UTP20: variants seen among roughly 807,000 people sequenced by gnomAD.
UTP20 encodes UTP20 small subunit processome component.
In UTP20, 164 loss-of-function variants were observed where a neutral mutation model predicts 329.5. The observed-to-expected ratio is 0.50, with a 90% CI of 0.44 to 0.57. UTP20 has a LOEUF of 0.57. Among genes scored for constraint, UTP20 ranks in the 20% least tolerant of loss-of-function variants. The pLI, the probability that UTP20 is intolerant of heterozygous loss-of-function variation, is 0.00. For missense variants in UTP20, 3,055 were observed against 3,284.2 expected (o/e 0.93, Z 1.71); for synonymous variants, 1,151 against 1,159.3 (o/e 0.99, Z 0.14).
intron 2 of UTP20, among the ~76,000 whole-genome samples, chr12:101,281,808 G>A (rs771199902): frequency 1.3e-5 from 2 of 152,006 alleles, no homozygotes; most frequent in Non-Finnish European, 2.9e-5. Flanking sequence ...AGGTTTAAGC[G>A]ATTCTCCTGC....
intron 41 of UTP20, among the ~76,000 whole-genome samples, chr12:101,355,905 A>C (rs909384100): frequency 2.0e-5 from 3 of 152,178 alleles, no homozygotes; most frequent in Admixed American, 1.3e-4. Flanking sequence ...GTTCCCACCG[A>C]CACACGTTTT....
At position 101,327,197 on chromosome 12, in the gene UTP20, T is replaced by C. The variant is rs375521157; in HGVS notation, c.3158T>C (p.Ile1053Thr). The stretch of plus-strand genomic sequence containing the variant: ...CTGGCCGGGACCCAACCTGAGGAGA[T>C]CCAGATATTCTTAGACCTGCTGTTT... ...RFLAGTQPEE[I>T]QIFLDLLFEP... Residue 1053 changes from isoleucine to threonine, a missense_variant, in exon 26 of 62, where the codon ATC becomes ACC. This residue lies in a region of UTP20 where 2,445 missense variants were observed against 2,575.5 expected (regional missense o/e 0.95). Coordinates refer to ENST00000261637, the MANE Select transcript of UTP20 (RefSeq NM_014503.3). 19 of 1,611,588 alleles carry C rather than the reference T, an allele frequency of 1.2e-5. No homozygotes were observed. The highest frequency in any genetic ancestry group is 1.5e-5 in the Non-Finnish European group (18 of 1,178,054).
chr12:101,306,416 C>G (rs1872642782), intron 16 of UTP20, among the ~76,000 whole-genome samples: 1 of 151,914 alleles, frequency 6.6e-6, no homozygotes, highest in Non-Finnish European at 1.5e-5. Context: ...ATAAAAATCA[C>G]TAACTTTAAT....
chr12:101,304,315 ATC>A (rs1434319297), intron 15 of UTP20, among the ~76,000 whole-genome samples: 1 of 152,232 alleles, frequency 6.6e-6, no homozygotes, highest in Non-Finnish European at 1.5e-5. Flanking sequence ...CAACTTGATT[ATC>A]TCTCAAAAAG....
rs775402713 is a variant in UTP20 at position 101,291,964 on chromosome 12, T to A, written c.1039-6T>A. The stretch of plus-strand genomic sequence containing the variant: ...GCTGAGTATGCATTGTTTTTTCTTT[T>A]TGCAGGTGTTATCTCAAACACTGCA... On this transcript the variant is annotated splice_polypyrimidine_tract_variant and splice_region_variant and intron_variant, in intron 9 of 61. Coordinates refer to ENST00000261637, the MANE Select transcript of UTP20 (RefSeq NM_014503.3). The A allele has an allele frequency of 1.1e-5, 17 of 1,610,682 alleles. No individual in the cohort carries two copies. The South Asian group carries it at 1.9e-4, about 18-fold the overall frequency.
intron 47 of UTP20, 113 bp from the exon 48 acceptor site, chr12:101,367,747 C>G: frequency 1.4e-6 from 1 of 696,004 alleles, no homozygotes; most frequent in Non-Finnish European, 2.5e-6. Context: ...TTTATCATTT[C>G]TAATAGAAGT....
At chr12:101,347,705 A>T (rs1319447202) in intron 38 of UTP20, among the ~76,000 whole-genome samples, 1 of 152,226 alleles carries the variant, frequency 6.6e-6, no homozygotes, top group Non-Finnish European at 1.5e-5. Context: ...TAGTTAAAAG[A>T]TAGCTCCCTT....
rs1461606141 is a variant in UTP20 at position 101,373,642 on chromosome 12, A to C, written c.7006A>C (p.Asn2336His). 1 of 1,613,180 alleles carries C rather than the reference A, an allele frequency of 6.2e-7. No individual in the cohort carries two copies. Among genetic ancestry groups the C allele is most frequent in the Admixed American group, 1.7e-5 (1 of 59,696 alleles). ...FFIPLCLMTI[N>H]DDSATCKKMA... ...TATCCCTCTTTGTCTAATGACGATCAATGATGACTCTGCCACGTGCAAAAA... is the reference window on the plus strand; with the variant it reads ...TATCCCTCTTTGTCTAATGACGATCCATGATGACTCTGCCACGTGCAAAAA... Residue 2336 changes from asparagine (N) to histidine (H), a missense_variant, in exon 54 of 62, where the codon AAT becomes CAT. Asn to His is a moderately conservative substitution (Grantham distance 68). Around this residue, in one of 3 missense-constraint regions of UTP20, gnomAD observed 273 missense variants for 363.1 expected, o/e 0.75. Transcript: ENST00000261637.
At chr12:101,370,618 T>C in intron 50 of UTP20, 55 bp downstream of exon 50, 2 of 1,563,398 alleles carry the variant, frequency 1.3e-6, no homozygotes, top group Non-Finnish European at 1.7e-6. Context: ...ACAGCAGATA[T>C]TTTGAACACA....
intron 43 of UTP20, 56 bp from the exon 44 acceptor site, chr12:101,361,906 G>A (rs1869934012): frequency 3.6e-6 from 5 of 1,385,834 alleles, no homozygotes; most frequent in Non-Finnish European, 5.1e-6. Context: ...TAGATCTTAT[G>A]TTTTCCTAGT....
In UTP20 at chr12:101,362,186, A is replaced by G. The variant is rs1450362404; in HGVS notation, c.5790+126A>G. ...AAAATAATGTAACACCTCATCTTTT[A>G]GATTAGCAGAGGTTTAAAGAGCTAA... On this transcript the variant is annotated intron_variant, in intron 44 of 61. Coordinates refer to ENST00000261637, the MANE Select transcript of UTP20 (RefSeq NM_014503.3). 4 of 647,592 alleles carry G rather than the reference A, an allele frequency of 6.2e-6. No homozygotes were observed. In the African/African-American group the frequency reaches 7.4e-5, roughly 12 times the overall value. The allele number at this position is 647,592 out of a possible 1,614,324, so 40.1% of individuals were successfully genotyped here. A position where few individuals can be genotyped will look rare whatever the true frequency, so the allele number is the denominator to read the frequency against.
At chr12:101,353,897 A>G (rs1387003185) in intron 40 of UTP20, among the ~76,000 whole-genome samples, 2 of 152,208 alleles carry the variant, frequency 1.3e-5, no homozygotes, top group Non-Finnish European at 2.9e-5. Flanking sequence ...TTAGAAAAAT[A>G]TAATACAAAA....
At chr12:101,379,993 C>T (rs949633298) in intron 57 of UTP20, among the ~76,000 whole-genome samples, 1 of 151,990 alleles carries the variant, frequency 6.6e-6, no homozygotes, top group Non-Finnish European at 1.5e-5. Flanking sequence ...CTAATAAGTT[C>T]TTTATCGGCA....
At position 101,344,614 on chromosome 12, in the gene UTP20, G is replaced by C; in HGVS notation, c.4469G>C (p.Ser1490Thr). 1.9e-6 allele frequency: 2 copies of C among 1,069,684 alleles called. No individual in the cohort carries two copies. The highest frequency in any genetic ancestry group is 1.5e-6 in the Non-Finnish European group (1 of 682,098). 66.3% of individuals were successfully genotyped at this position (1,069,684 alleles called of 1,614,324 possible). The change falls in exon 36 of 62, where the codon AGT (serine) becomes ACT (threonine). Residue 1490 changes from serine (S) to threonine (T), a missense_variant. Coordinates refer to ENST00000261637, the MANE Select transcript of UTP20 (RefSeq NM_014503.3). ...YNLELGDMSL[S>T]DNASMCLMSI... ...TTGCAGTTAGGAGATATGAGTTTAA[G>C]TGATAATGCCAGCATGTGCCTGATG...
In UTP20 at chr12:101,350,275, T is replaced by C. The variant is rs561706383; in HGVS notation, c.4885-1780T>C. ...TCAAACTCCTGGACTCAAACGATCCTCCTACCTCTGCCTCCCAAGTACCTG... is the reference window on the plus strand; with the variant it reads ...TCAAACTCCTGGACTCAAACGATCCCCCTACCTCTGCCTCCCAAGTACCTG... On this transcript the variant is annotated intron_variant, in intron 38 of 61. Transcript: ENST00000261637. Among the ~76,000 whole-genome samples the C allele has an allele frequency of 2.0e-5, 3 of 152,238 alleles. No individual in the cohort carries two copies. In the East Asian group the frequency reaches 5.8e-4, roughly 29 times the overall value.
chr12:101,351,929 T>C (rs1213664319), intron 38 of UTP20, 126 bp from the exon 39 acceptor site: 5 of 1,107,960 alleles, frequency 4.5e-6, no homozygotes, highest in African/African-American at 3.2e-5. Flanking sequence ...AAAATTAGTA[T>C]AGTTTGGACA....
In UTP20 at chr12:101,306,057, G is replaced by A. The variant is rs751305487; in HGVS notation, c.1924G>A (p.Val642Ile). The A allele has an allele frequency of 1.9e-6, 3 of 1,611,686 alleles. No homozygotes were observed. The highest frequency in any genetic ancestry group is 1.1e-5 in the South Asian group (1 of 90,670). Residue 642 changes from valine to isoleucine, a missense_variant, in exon 16 of 62, where the codon GTA becomes ATA. Coordinates refer to ENST00000261637, the MANE Select transcript of UTP20 (RefSeq NM_014503.3). Reference protein sequence around the residue: ...PKLQANISTGVSKIRLLTIRI... With the variant: ...PKLQANISTGISKIRLLTIRI... ...GTTACAAGCAAACATTTCAACTGGT[G>A]TATCCAAGGTAATGGTGTTTTGTGG...
At chr12:101,287,411 C>T (rs1399528554) in intron 5 of UTP20, among the ~76,000 whole-genome samples, 1 of 152,226 alleles carries the variant, frequency 6.6e-6, no homozygotes, top group African/African-American at 2.4e-5. Flanking sequence ...CTTCAGCTGT[C>T]ATAAAAGCTG....
At chr12:101,350,317 C>G (rs909570874) in intron 38 of UTP20, among the ~76,000 whole-genome samples, 1 of 152,030 alleles carries the variant, frequency 6.6e-6, no homozygotes, top group Non-Finnish European at 1.5e-5. Flanking sequence ...CAGGTGTACA[C>G]CACTGCACCT....
Sources: gnomAD v4.1 joint callset for allele counts (sites outside exome capture counted in the v4.1 genomes callset) on GRCh38, gnomAD v4.1.1 for gene constraint, gnomAD v4.1.1 regional missense constraint, MANE v1.5 for transcripts, NCBI Gene and HGNC (gene_info 2026-07-23, HGNC 2026-07-21) for gene names.